FMN1: variants seen among roughly 807,000 people sequenced by gnomAD.
FMN1 encodes the protein formin-1.
Under a neutral mutation model 132.4 loss-of-function variants are expected in FMN1, and 110 were observed. That is an observed-to-expected ratio of 0.83 (90% confidence interval 0.71 to 0.97). The LOEUF is 0.97. Among genes scored for constraint, FMN1 ranks in the 50% least tolerant of loss-of-function variants. The pLI, the probability that FMN1 is intolerant of heterozygous loss-of-function variation, is 0.00. For synonymous variants in FMN1, 722 were observed against 651.7 expected (o/e 1.11, Z -1.64); for missense variants, 1,792 against 1,705.3 (o/e 1.05, Z -0.90).
chr15:32,963,530 G>A (rs1396837041), intron 9 of FMN1, among the ~76,000 whole-genome samples: 1 of 151,848 alleles, frequency 6.6e-6, no homozygotes, highest in Non-Finnish European at 1.5e-5. Context: ...AAAGAAGGTG[G>A]TTAGTCCAAT....
At chr15:32,890,710 G>T (rs2060006745) in intron 15 of FMN1, among the ~76,000 whole-genome samples, 1 of 152,122 alleles carries the variant, frequency 6.6e-6, no homozygotes, top group Admixed American at 6.6e-5. Context: ...CTCTTAGGTT[G>T]CCCCTTTTGA....
At chr15:33,007,372 C>T (rs1298945105) in intron 7 of FMN1, among the ~76,000 whole-genome samples, 1 of 152,126 alleles carries the variant, frequency 6.6e-6, no homozygotes, top group Non-Finnish European at 1.5e-5. Flanking sequence ...ATTCAGTATC[C>T]AGTTATTTGA....
chr15:33,046,658 C>G (rs528991462), intron 6 of FMN1, among the ~76,000 whole-genome samples: 67 of 152,264 alleles, frequency 4.4e-4, no homozygotes, highest in Admixed American at 8.5e-4. Context: ...GTATGGCAAA[C>G]AGGGTTGCTG....
intron 5 of FMN1, among the ~76,000 whole-genome samples, chr15:33,076,822 T>C (rs1477423376): frequency 6.6e-6 from 1 of 152,130 alleles, no homozygotes; most frequent in African/African-American, 2.4e-5. Context: ...GGAGGCAAAA[T>C]AGATCTGCTG....
At chr15:32,991,630 C>T (rs1187291986) in intron 7 of FMN1, among the ~76,000 whole-genome samples, 3 of 152,144 alleles carry the variant, frequency 2.0e-5, no homozygotes, top group Admixed American at 6.5e-5. Flanking sequence ...ACATTACAAA[C>T]GACTTGGCTT....
chr15:33,148,443 T>G (rs953400356), intron 4 of FMN1, among the ~76,000 whole-genome samples: 1 of 152,196 alleles, frequency 6.6e-6, no homozygotes, highest in Non-Finnish European at 1.5e-5. Context: ...CTCAACCTGC[T>G]CTTGGCCCTG....
chr15:32,910,506 C>A lies in FMN1; in HGVS notation c.3256G>T (p.Asp1086Tyr). Reference sequence around the variant, plus strand: ...TATAAGGCTGCCAGGGTCTCCAGATCAACCACGGAGTCATCCACATTGAAA... The same window carrying A: ...TATAAGGCTGCCAGGGTCTCCAGATAAACCACGGAGTCATCCACATTGAAA... ...AIFNVDDSVV[D>Y]LETLAALYEN... is the part of the protein sequence containing the mutation. The change falls in exon 11 of 21, where the codon GAT becomes TAT. Residue 1086 changes from aspartate to tyrosine, a missense_variant. This residue lies in a region of FMN1 where 1,150 missense variants were observed against 1,043.1 expected (regional missense o/e 1.10). Transcript: ENST00000616417. 1 of 1,579,554 alleles carries A rather than the reference C, an allele frequency of 6.3e-7. No homozygotes were observed. Among genetic ancestry groups the A allele is most frequent in the Non-Finnish European group, 8.6e-7 (1 of 1,162,148 alleles).
intron 4 of FMN1, among the ~76,000 whole-genome samples, chr15:33,129,576 C>T (rs1029311504): frequency 1.3e-5 from 2 of 152,134 alleles, no homozygotes; most frequent in African/African-American, 4.8e-5. Context: ...TAAGCATGAC[C>T]TTATGAGTCT....
chr15:33,168,546 C>A (rs1481026252), intron 3 of FMN1, among the ~76,000 whole-genome samples: 2 of 152,134 alleles, frequency 1.3e-5, no homozygotes, highest in Non-Finnish European at 2.9e-5. Context: ...GAGAGAGTGA[C>A]AAAGGTTAAA....
intron 10 of FMN1, among the ~76,000 whole-genome samples, chr15:32,920,021 T>C (rs2060782014): frequency 6.6e-6 from 1 of 152,198 alleles, no homozygotes; most frequent in Non-Finnish European, 1.5e-5. Context: ...AAGAACTAAA[T>C]AAAGGATGTT....
At chr15:32,936,022 T>C (rs368850332) in intron 9 of FMN1, among the ~76,000 whole-genome samples, 4 of 152,218 alleles carry the variant, frequency 2.6e-5, no homozygotes, top group African/African-American at 7.2e-5. Context: ...AGTCTGCTAC[T>C]GAACCCCACT....
At chr15:33,041,701 C>G (rs766519217) in intron 6 of FMN1, among the ~76,000 whole-genome samples, 1 of 150,994 alleles carries the variant, frequency 6.6e-6, no homozygotes, top group Admixed American at 6.6e-5. Context: ...TAAAAAAAAA[C>G]GGTAAATAAG....
intron 4 of FMN1, among the ~76,000 whole-genome samples, chr15:33,127,439 G>A (rs577639947): frequency 6.6e-6 from 1 of 152,260 alleles, no homozygotes; most frequent in East Asian, 1.9e-4. Flanking sequence ...GTTAATGAGT[G>A]AACCTACATC....
chr15:32,943,873 T>C (rs2061449134), intron 9 of FMN1, among the ~76,000 whole-genome samples: 1 of 152,170 alleles, frequency 6.6e-6, no homozygotes, highest in African/African-American at 2.4e-5. Context: ...AGTGAGAGTT[T>C]CGCAATGGAA....
At chr15:33,123,687 T>A (rs1172537008) in intron 4 of FMN1, among the ~76,000 whole-genome samples, 1 of 152,206 alleles carries the variant, frequency 6.6e-6, no homozygotes, top group Non-Finnish European at 1.5e-5. Context: ...TTCCAAGACA[T>A]GAACGTCCCT....
At chr15:32,908,603 CAAAAAA>C (rs71424680) in intron 11 of FMN1, 25 bp from the exon 12 acceptor site, 1,402 of 599,808 alleles carry the variant, frequency 2.3e-3, no homozygotes, top group Non-Finnish European at 2.8e-3. Context: ...AAAACAAAAC[CAAAAAA>C]AAAAAAAAAA....
chr15:33,070,386 CTTTTTT>C (rs34096484), intron 5 of FMN1, among the ~76,000 whole-genome samples: 20 of 134,350 alleles, frequency 1.5e-4, no homozygotes, highest in South Asian at 2.4e-4. Context: ...CGTATTTGGT[CTTTTTT>C]TTTTTTTTTT....
At chr15:32,929,777 T>TG (rs2061058825) in intron 9 of FMN1, among the ~76,000 whole-genome samples, 1 of 151,848 alleles carries the variant, frequency 6.6e-6, no homozygotes, top group African/African-American at 2.4e-5. Context: ...TTTTTTTTTT[T>TG]TGTGGTCAAG....
In FMN1 at chr15:33,139,578, G is replaced by A. The variant is rs138667919; in HGVS notation, c.1867+13470C>T. 5.2e-3 allele frequency among the ~76,000 whole-genome samples: 799 copies of A among 152,328 alleles called. 6 individuals are homozygous for A. The highest frequency in any genetic ancestry group is 0.014 in the African/African-American group (598 of 41,576). On this transcript the variant is annotated intron_variant, in intron 4 of 20. Coordinates refer to ENST00000616417, the MANE Select transcript of FMN1 (RefSeq NM_001277313.2). ...TGCACTCCAGCCAGGGCGACAGAGCGAGACTTCTGTCTCTAAATAAATAAA... is the reference window on the plus strand; with the variant it reads ...TGCACTCCAGCCAGGGCGACAGAGCAAGACTTCTGTCTCTAAATAAATAAA...
Sources: allele counts gnomAD v4.1 joint callset (sites outside exome capture counted in the v4.1 genomes callset), GRCh38; gene constraint gnomAD v4.1.1; regional missense constraint gnomAD v4.1.1; transcripts MANE v1.5; gene names NCBI Gene and HGNC (gene_info 2026-07-23, HGNC 2026-07-21).